The following CACNA1A variants were observed in gnomAD, a reference collection of about 807,000 sequenced individuals.
CACNA1A encodes the protein voltage-dependent P/Q-type calcium channel subunit alpha-1A.
A neutral mutation model predicts 262.4 loss-of-function variants in CACNA1A; 57 were observed. That is an observed-to-expected ratio of 0.22 (90% CI 0.18 to 0.27). CACNA1A has a LOEUF of 0.27. Ranked by LOEUF, CACNA1A falls within the 10% of genes least tolerant of loss-of-function variation. The pLI is 1.00. For synonymous variants in CACNA1A, 1,431 were observed against 1,419.3 expected (o/e 1.01, Z -0.18); for missense variants, 2,526 against 3,562.8 (o/e 0.71, Z 7.41).
intron 1 of CACNA1A, among the ~76,000 whole-genome samples, chr19:13,460,523 G>T (rs2061101371): frequency 1.3e-5 from 2 of 152,128 alleles, no homozygotes; most frequent in East Asian, 3.8e-4. Flanking sequence ...GAAAATTTCA[G>T]CCTAATGCAT....
intron 1 of CACNA1A, among the ~76,000 whole-genome samples, chr19:13,481,845 G>A (rs1021233022): frequency 2.6e-5 from 4 of 151,978 alleles, no homozygotes; most frequent in Admixed American, 6.6e-5. Context: ...TTCAGGCAGC[G>A]ATCACTTGCT....
intron 6 of CACNA1A, among the ~76,000 whole-genome samples, chr19:13,339,791 A>G (rs1306492361): frequency 6.6e-6 from 1 of 151,158 alleles, no homozygotes; most frequent in Admixed American, 6.6e-5. Context: ...AAAAAAAAGC[A>G]CTGAAAATAA....
intron 3 of CACNA1A, among the ~76,000 whole-genome samples, chr19:13,392,039 A>AAAAAAAAAG (rs2059718921): frequency 6.6e-6 from 1 of 150,938 alleles, no homozygotes; most frequent in African/African-American, 2.4e-5. Context: ...TCAAAAAAAA[A>AAAAAAAAAG]AAAAAAAAGA....
rs977449137 is a variant in CACNA1A, at chr19:13,236,911, ACT to A, written c.4951-1183_4951-1182del. On this transcript the variant is annotated intron_variant, in intron 31 of 46. Transcript: ENST00000360228. This position sits in a 1 kb window ranked among gnomAD's most constrained non-coding sequence, Gnocchi z 4.6. The stretch of plus-strand genomic sequence containing the variant: ...AAGGGACCTTGGTGGGGGGGGTGGG[ACT>A]CTCGAAGTCACGAGTGGGCCAAATC... 2.6e-5 allele frequency among the ~76,000 whole-genome samples: 4 copies of A among 151,650 alleles called. No individual in the cohort carries two copies. Among genetic ancestry groups the A allele is most frequent in the African/African-American group, 9.7e-5 (4 of 41,234 alleles).
rs1211309669 is a variant in CACNA1A, at chr19:13,241,417, C to T, written c.4950+3765G>A. The T allele has an allele frequency of 1.3e-6, 1 of 772,784 alleles. No homozygotes were observed. The highest frequency in any genetic ancestry group is 2.2e-6 in the Non-Finnish European group (1 of 448,896). 47.9% of individuals were successfully genotyped at this position (772,784 alleles called of 1,614,324 possible). A position where few individuals can be genotyped will look rare whatever the true frequency, so the allele number is the denominator to read the frequency against. ...GCGGAGGGTTGAGGAGAGCGTCAGG[C>T]ATCCCACGTTGGAGAGGCAGGGTGT... On this transcript the variant is annotated intron_variant, in intron 31 of 46. Transcript: ENST00000360228. The surrounding 1 kb of genome is among the most constrained non-coding windows in gnomAD (Gnocchi z 4.0).
Position 13,216,190 on chromosome 19 carries a change from G to A in CACNA1A, c.5732-1582C>T, listed in dbSNP as rs536345400. ...CCCAGTCATGGGGTGAGTCATTAAA[G>A]CTCTCTGACGGTGTTTCCTGGCCCT... On this transcript the variant is annotated intron_variant, in intron 38 of 46. Transcript: ENST00000360228. 2.2e-4 allele frequency among the ~76,000 whole-genome samples: 34 copies of A among 152,286 alleles called. 1 individual carries two copies. Among genetic ancestry groups the A allele is most frequent in the African/African-American group, 8.2e-4 (34 of 41,574 alleles).
In CACNA1A at chr19:13,371,381, G is replaced by C. The variant is rs551155273; in HGVS notation, c.631+307C>G. On this transcript the variant is annotated intron_variant, in intron 4 of 46. Transcript: ENST00000360228. ...CCTCAGTTTCCCCCTCCATAAAATAGAGACATCAGTCCTATCAACTTCATA... is the reference window on the plus strand; with the variant it reads ...CCTCAGTTTCCCCCTCCATAAAATACAGACATCAGTCCTATCAACTTCATA... The C allele has an allele frequency of 9.7e-5, 25 of 259,050 alleles. 1 individual carries two copies. The South Asian group carries it at 2.7e-3, about 28-fold the overall frequency. The allele number at this position is 259,050 out of a possible 1,614,324, so 16.0% of individuals were successfully genotyped here.
chr19:13,389,727 C>G (rs2059680392), intron 3 of CACNA1A, among the ~76,000 whole-genome samples: 1 of 152,196 alleles, frequency 6.6e-6, no homozygotes, highest in Admixed American at 6.5e-5. Context: ...GCCTGTTTTC[C>G]TATTGGGGTT....
rs16011 is a variant in CACNA1A, at chr19:13,312,711, C to T, written c.1626G>A (p.Thr542=). 6.2e-3 allele frequency: 9,924 copies of T among 1,592,302 alleles called. 470 individuals carry two copies. In the African/African-American group the frequency reaches 0.11, roughly 18 times the overall value. ...TGAAGGAAGAGTGGAAGTAAGGCCG[C>T]GTCCCAAGCCCGTACATTTTTATAA... ...EMFIKMYGLG[T]RPYFHSSFNC... The change falls in exon 12 of 47, where the codon ACG becomes ACA. Residue 542 remains threonine (T), a synonymous_variant. Coordinates refer to ENST00000360228, the MANE Select transcript of CACNA1A (RefSeq NM_001127222.2).
intron 31 of CACNA1A, 168 bp from the exon 32 acceptor site, chr19:13,235,898 A>T (rs1157725119): frequency 8.7e-6 from 5 of 573,652 alleles, no homozygotes; most frequent in African/African-American, 7.5e-5. Context: ...TGCAGAGGAA[A>T]AACTCGAAAA....
intron 1 of CACNA1A, among the ~76,000 whole-genome samples, chr19:13,505,400 C>T (rs1446506556): frequency 6.6e-6 from 1 of 152,202 alleles, no homozygotes; most frequent in Admixed American, 6.5e-5. Flanking sequence ...TGGGAGCCCC[C>T]AAGCGCCCTG....
chr19:13,440,182 C>T (rs1427085617), intron 3 of CACNA1A, among the ~76,000 whole-genome samples: 1 of 152,100 alleles, frequency 6.6e-6, no homozygotes, highest in Admixed American at 6.5e-5. Flanking sequence ...TGGTCTCAAA[C>T]TCCTGGGCTT....
At chr19:13,430,019 G>T (rs2060478187) in intron 3 of CACNA1A, among the ~76,000 whole-genome samples, 2 of 132,202 alleles carry the variant, frequency 1.5e-5, no homozygotes, top group Admixed American at 7.6e-5. Flanking sequence ...GGGGAGTCGG[G>T]GAGAGGGGAA....
In CACNA1A at chr19:13,417,373, G is replaced by A. The variant is rs185882852; in HGVS notation, c.539+35503C>T. Among the ~76,000 whole-genome samples the A allele has an allele frequency of 2.6e-5, 4 of 152,332 alleles. No individual in the cohort carries two copies. In the East Asian group the frequency reaches 7.7e-4, roughly 29 times the overall value. ...TGTTTCGGTTTCTGAATGTCCAGCT[G>A]CTGTGACAGCAGGAAAGAGTCGCCA... On this transcript the variant is annotated intron_variant, in intron 3 of 46. Coordinates refer to ENST00000360228, the MANE Select transcript of CACNA1A (RefSeq NM_001127222.2).
rs184494842 is a variant in CACNA1A, at chr19:13,471,455, C to G, written c.294-16243G>C. 3.9e-5 allele frequency among the ~76,000 whole-genome samples: 6 copies of G among 152,290 alleles called. No individual in the cohort carries two copies. In the East Asian group the frequency reaches 1.2e-3, roughly 29 times the overall value. On this transcript the variant is annotated intron_variant, in intron 1 of 46. Transcript: ENST00000360228. Reference sequence around the variant, plus strand: ...TTCCCAGTTCCTACATCTTCCTCCCCCTACAGCTGATGTATCATCAGACCC... The same window carrying G: ...TTCCCAGTTCCTACATCTTCCTCCCGCTACAGCTGATGTATCATCAGACCC...
chr19:13,255,621 G>A (rs1021479375), intron 28 of CACNA1A, among the ~76,000 whole-genome samples: 1 of 151,922 alleles, frequency 6.6e-6, no homozygotes, highest in African/African-American at 2.4e-5. Flanking sequence ...TACCGAGTGT[G>A]CCAAATCAAA....
chr19:13,286,630 A>G lies in CACNA1A; in HGVS notation c.3426T>C (p.Asn1142=), dbSNP rs1326349920. The G allele has an allele frequency of 1.3e-6, 2 of 1,481,754 alleles. No homozygotes were observed. Among genetic ancestry groups the G allele is most frequent in the Non-Finnish European group, 1.8e-6 (2 of 1,114,078 alleles). 91.8% of individuals were successfully genotyped at this position (1,481,754 alleles called of 1,614,324 possible). ...CGCTGGGGTTGGTGACGATAAGGCT[A>G]TTCTCGGGGGTCTTGGGGGGGCCGG... ...SNPGPPKTPE[N]SLIVTNPSGT... Residue 1142 remains asparagine, a synonymous_variant, in exon 20 of 47, where the codon AAT becomes AAC. Coordinates refer to ENST00000360228, the MANE Select transcript of CACNA1A (RefSeq NM_001127222.2).
At chr19:13,287,806 T>G (rs868073286) in intron 19 of CACNA1A, among the ~76,000 whole-genome samples, 5 of 150,352 alleles carry the variant, frequency 3.3e-5, no homozygotes, top group African/African-American at 9.7e-5. Context: ...CTGGCCTCTT[T>G]TTTTTTTTTT....
At chr19:13,259,881 T>C (rs887769816) in intron 26 of CACNA1A, 180 bp from the exon 27 acceptor site, 1 of 620,782 alleles carries the variant, frequency 1.6e-6, no homozygotes, top group Non-Finnish European at 2.8e-6. Flanking sequence ...GGATGACGTG[T>C]GCATCTACTT....
Sources: allele counts gnomAD v4.1 joint callset (sites outside exome capture counted in the v4.1 genomes callset), GRCh38; gene constraint gnomAD v4.1.1; non-coding constraint Gnocchi (gnomAD v3.1); transcripts MANE v1.5; gene names NCBI Gene and HGNC (gene_info 2026-07-23, HGNC 2026-07-21).